The following BACH1 variants were observed in gnomAD, a reference collection of about 807,000 sequenced individuals.
BACH1 encodes the protein transcription regulator protein BACH1.
BACH1 carries 35 observed loss-of-function variants against 52.9 expected under a neutral mutation model. The observed-to-expected ratio is 0.66, with a 90% CI of 0.51 to 0.88. The LOEUF is 0.88. Among genes scored for constraint, BACH1 ranks in the 40% least tolerant of loss-of-function variants. The probability of loss-of-function intolerance (pLI) is 0.00; values close to 1 mark genes in which losing one functional copy is unlikely to be tolerated. For synonymous variants in BACH1, 321 were observed against 319.6 expected (o/e 1.00, Z -0.05); for missense variants, 808 against 872.6 (o/e 0.93, Z 0.93).
At chr21:29,322,175 A>G (rs1180200721) in intron 2 of BACH1, among the ~76,000 whole-genome samples, 2 of 152,170 alleles carry the variant, frequency 1.3e-5, no homozygotes, top group Non-Finnish European at 2.9e-5. Flanking sequence ...GGTCCCTCCC[A>G]TGACGTGGCA....
downstream of BACH1, among the ~76,000 whole-genome samples, chr21:29,350,401 A>C (rs909203641): frequency 6.6e-6 from 1 of 152,220 alleles, no homozygotes; most frequent in African/African-American, 2.4e-5. Flanking sequence ...TGGGAAACCA[A>C]AACAAAACCT....
chr21:29,329,559 C>G lies in BACH1; in HGVS notation c.1642C>G (p.His548Asp). ...RNDFQSLLKM[H>D]KLTPEQLDCI... ...TGATTTTCAGTCCTTGTTGAAAATG[C>G]ACAAGCTTACTCCAGAACAGCTGGA... Residue 548 changes from histidine (H) to aspartate (D), a missense_variant, in exon 4 of 5, where the codon CAC becomes GAC. Physicochemically the swap from His to Asp is moderately conservative, Grantham distance 81. Coordinates refer to ENST00000286800, the MANE Select transcript of BACH1 (RefSeq NM_001186.4). 1 of 1,603,808 alleles carries G rather than the reference C, an allele frequency of 6.2e-7. No homozygotes were observed. Among genetic ancestry groups the G allele is most frequent in the Non-Finnish European group, 8.5e-7 (1 of 1,176,628 alleles).
At chr21:29,359,394 T>C (rs2089257698) in intron 2 of BACH1, 1 of 148,798 alleles carries the variant, frequency 6.7e-6, no homozygotes. Flanking sequence ...TTTATGTATC[T>C]AGTATGATTA....
Position 29,326,628 on chromosome 21 carries a change from G to T in BACH1, c.804G>T (p.Pro268=), listed in dbSNP as rs372369161. 6.2e-7 allele frequency: 1 copy of T among 1,614,068 alleles called. No homozygotes were observed. Among genetic ancestry groups the T allele is most frequent in the Admixed American group, 1.7e-5 (1 of 60,012 alleles). The change falls in exon 3 of 5, where the codon CCG becomes CCT. Residue 268 remains proline, a synonymous_variant. Transcript: ENST00000286800. ...AAAATGAATGCCTGGGAGGAGTCCC[G>T]GAGTGTAGAGATTTGCAGGTGATGT... is the stretch of plus-strand genomic sequence containing the variant. ...RSENECLGGV[P]ECRDLQVMLK... is the part of the protein sequence containing the mutation.
intron 2 of BACH1, chr21:29,361,772 T>A (rs2089273230): frequency 6.6e-6 from 1 of 152,246 alleles, no homozygotes; most frequent in Non-Finnish European, 1.5e-5. Context: ...TCCATTTACA[T>A]AACTTTACTA....
chr21:29,361,204 G>C (rs2123499403), intron 2 of BACH1: 1 of 152,336 alleles, frequency 6.6e-6, no homozygotes, highest in East Asian at 1.9e-4. Flanking sequence ...CATGAATTCT[G>C]GGCAAAGGCA....
chr21:29,346,975 T>C (rs1047287370), downstream of BACH1, among the ~76,000 whole-genome samples: 4 of 152,194 alleles, frequency 2.6e-5, no homozygotes, highest in South Asian at 2.1e-4. Context: ...CACTTGAGTG[T>C]TCACCAGTGG....
intron 1 of BACH1, among the ~76,000 whole-genome samples, chr21:29,315,369 C>G (rs1021201831): frequency 1.3e-5 from 2 of 152,114 alleles, no homozygotes; most frequent in African/African-American, 4.8e-5. Flanking sequence ...AGAGGAATTT[C>G]CCTGTCTTCT....
intron 1 of BACH1, among the ~76,000 whole-genome samples, chr21:29,315,325 T>G (rs1339962067): frequency 6.6e-6 from 1 of 152,166 alleles, no homozygotes; most frequent in African/African-American, 2.4e-5. Flanking sequence ...AGGTTAGCTT[T>G]CTTAGCTTAG....
intron 2 of BACH1, chr21:29,361,634 G>C (rs2089272459): frequency 2.0e-5 from 3 of 152,202 alleles, no homozygotes; most frequent in South Asian, 4.1e-4. Context: ...GGAGATGGCA[G>C]CTAATGAGTA....
At chr21:29,346,457 A>G (rs528851369), downstream of BACH1, among the ~76,000 whole-genome samples, 1 of 152,306 alleles carries the variant, frequency 6.6e-6, no homozygotes, top group Non-Finnish European at 1.5e-5. Context: ...ATCCTATTCA[A>G]TTTCCAACCA....
chr21:29,314,467 A>G (rs538912066), intron 1 of BACH1, among the ~76,000 whole-genome samples: 31 of 152,330 alleles, frequency 2.0e-4, no homozygotes, highest in African/African-American at 7.2e-4. Flanking sequence ...CAGCAACTAT[A>G]ACAAAAGGTC....
chr21:29,311,202 A>G (rs1569008579), intron 1 of BACH1, among the ~76,000 whole-genome samples: 1 of 152,000 alleles, frequency 6.6e-6, no homozygotes, highest in Non-Finnish European at 1.5e-5. Flanking sequence ...GTCTTTCTGT[A>G]TTTTTTTCTT....
intron 2 of BACH1, chr21:29,351,830 A>C (rs1489342211): frequency 1.4e-5 from 7 of 494,618 alleles, no homozygotes; most frequent in Non-Finnish European, 2.9e-5. Context: ...GAATTTGGCT[A>C]GTAAAAGCAC....
rs769438465 is a variant in BACH1, at chr21:29,327,348, C to T, written c.1524C>T (p.Thr508=). 27 of 1,613,926 alleles carry T rather than the reference C, an allele frequency of 1.7e-5. No homozygotes were observed. The South Asian group carries it at 1.8e-4, about 11-fold the overall frequency. The change falls in exon 3 of 5, where the codon ACC becomes ACT. Residue 508 remains threonine (T), a synonymous_variant. Transcript: ENST00000286800. ...ISLGDDSETD[T]EGDSESCSAR... Reference sequence around the variant, plus strand: ...TGGGAGACGACTCTGAGACGGACACCGAAGGAGACAGTGAATCCTGTTCAG... The same window carrying T: ...TGGGAGACGACTCTGAGACGGACACTGAAGGAGACAGTGAATCCTGTTCAG...
At chr21:29,312,621 C>T (rs753972789) in intron 1 of BACH1, among the ~76,000 whole-genome samples, 31 of 150,810 alleles carry the variant, frequency 2.1e-4, no homozygotes, top group Non-Finnish European at 5.9e-5. Context: ...ACAATAGCAA[C>T]AAAACAAAAC....
chr21:29,332,684 T>C (rs2088998515), intron 4 of BACH1, among the ~76,000 whole-genome samples: 1 of 152,190 alleles, frequency 6.6e-6, no homozygotes, highest in African/African-American at 2.4e-5. Flanking sequence ...TAAGTGCACA[T>C]GGGAAGGGTG....
chr21:29,321,582 G>A, intron 2 of BACH1, 68 bp downstream of exon 2: 2 of 1,409,078 alleles, frequency 1.4e-6, no homozygotes, highest in Non-Finnish European at 1.9e-6. Context: ...TCATAATGTT[G>A]AAAATAAAGC....
intron 1 of BACH1, among the ~76,000 whole-genome samples, chr21:29,313,597 T>C (rs1020444910): frequency 1.3e-5 from 2 of 152,230 alleles, no homozygotes; most frequent in Non-Finnish European, 2.9e-5. Context: ...GGCATATCCA[T>C]GTAATGGAGT....
Sources: gnomAD v4.1 joint callset for allele counts (sites outside exome capture counted in the v4.1 genomes callset) on GRCh38, gnomAD v4.1.1 for gene constraint, MANE v1.5 for transcripts, NCBI Gene and HGNC (gene_info 2026-07-23, HGNC 2026-07-21) for gene names.